Variants in CLOCK observed in about 807,000 individuals in gnomAD.
CLOCK encodes the protein clock circadian regulator.
Under a neutral mutation model 118.4 loss-of-function variants are expected in CLOCK, and 43 were observed. That is an observed-to-expected ratio of 0.36 (90% CI 0.28 to 0.47). CLOCK has a LOEUF of 0.47. Ranked by LOEUF, CLOCK falls within the 20% of genes least tolerant of loss-of-function variation. The pLI is 1.00. For synonymous variants in CLOCK, 326 were observed against 339.2 expected, an observed-to-expected ratio of 0.96 and a Z score of 0.43; for missense variants, 846 against 999.9, an observed-to-expected ratio of 0.85 and a Z score of 2.08.
At chr4:55,490,530 T>C (rs916392677) in intron 2 of CLOCK, among the ~76,000 whole-genome samples, 12 of 152,270 alleles carry the variant, frequency 7.9e-5, no homozygotes, top group Admixed American at 2.0e-4. Flanking sequence ...TTATCTGACA[T>C]GGACTGGTTC....
intron 9 of CLOCK, among the ~76,000 whole-genome samples, chr4:55,459,921 A>T (rs13133579): frequency 0.34 from 51,406 of 152,110 alleles, 9,383 homozygotes; most frequent in East Asian, 0.58. Flanking sequence ...CTCAAAGTGG[A>T]GGGATTATAG....
intron 1 of CLOCK, among the ~76,000 whole-genome samples, chr4:55,538,694 A>G (rs1731062834): frequency 1.3e-5 from 2 of 152,248 alleles, no homozygotes; most frequent in South Asian, 2.1e-4. Flanking sequence ...CTCTATAAAC[A>G]TAAAGCAACA....
intron 2 of CLOCK, among the ~76,000 whole-genome samples, chr4:55,507,222 C>A (rs116181794): frequency 6.6e-6 from 1 of 151,954 alleles, no homozygotes; most frequent in African/African-American, 2.4e-5. Context: ...GGCTAAGGTG[C>A]GACGATCGCT....
chr4:55,471,418 G>A (rs1048623564), intron 7 of CLOCK, among the ~76,000 whole-genome samples: 1 of 152,194 alleles, frequency 6.6e-6, no homozygotes, highest in Non-Finnish European at 1.5e-5. Context: ...TAAGAGTAGT[G>A]TGGAAGCAGG....
At position 55,478,861 on chromosome 4, in the gene CLOCK, T is replaced by C. The variant is rs748199744; in HGVS notation, c.210A>G (p.Lys70=). 2 of 1,612,938 alleles carry C rather than the reference T, an allele frequency of 1.2e-6. No homozygotes were observed. Among genetic ancestry groups the C allele is most frequent in the Non-Finnish European group, 1.7e-6 (2 of 1,179,344 alleles). The change falls in exon 6 of 23, where the codon AAA becomes AAG. Residue 70 remains lysine, a synonymous_variant. Transcript: ENST00000513440. Reference sequence around the variant, plus strand: ...CAATGCTTTTCTGCAGAACAGTAGATTTGTCCATCTTTCTAGCATTACCAG... The same window carrying C: ...CAATGCTTTTCTGCAGAACAGTAGACTTGTCCATCTTTCTAGCATTACCAG... ...MLPGNARKMD[K]STVLQKSIDF...
chr4:55,516,234 G>A (rs1181575683), intron 1 of CLOCK, among the ~76,000 whole-genome samples: 2 of 152,156 alleles, frequency 1.3e-5, no homozygotes, highest in African/African-American at 4.8e-5. Flanking sequence ...CAGCACTGTT[G>A]AATTCATCTA....
intron 1 of CLOCK, among the ~76,000 whole-genome samples, chr4:55,515,658 C>T (rs752985223): frequency 4.9e-4 from 74 of 152,234 alleles, no homozygotes; most frequent in Non-Finnish European, 1.0e-3. Flanking sequence ...GCTGGGATTA[C>T]AGGCGCGAGC....
At chr4:55,443,976 G>T in intron 19 of CLOCK, 80 bp from the exon 20 acceptor site, 1 of 1,286,782 alleles carries the variant, frequency 7.8e-7, no homozygotes, top group Non-Finnish European at 1.1e-6. Flanking sequence ...GCAAAATCAA[G>T]CTACAAAGTA....
At chr4:55,454,053 A>C (rs528065867) in intron 13 of CLOCK, among the ~76,000 whole-genome samples, 38 of 152,164 alleles carry the variant, frequency 2.5e-4, no homozygotes, top group Non-Finnish European at 5.0e-4. Flanking sequence ...CTGATCTTAC[A>C]ATCTTTCCAT....
intron 2 of CLOCK, among the ~76,000 whole-genome samples, chr4:55,501,893 C>T (rs1728469632): frequency 6.6e-6 from 1 of 152,126 alleles, no homozygotes; most frequent in African/African-American, 2.4e-5. Context: ...TTATTTGAAG[C>T]AAATCCCAAG....
intron 1 of CLOCK, among the ~76,000 whole-genome samples, chr4:55,515,456 C>T (rs1001833357): frequency 2.6e-5 from 4 of 152,164 alleles, no homozygotes; most frequent in Middle Eastern, 3.2e-3. Flanking sequence ...CTCACTGCAG[C>T]CTCCGCCTCC....
rs771529260 is a variant in CLOCK, at chr4:55,443,781, G to A, written c.1808C>T (p.Pro603Leu). The change falls in exon 20 of 23, where the codon CCT (proline) becomes CTT (leucine). Residue 603 changes from proline (P) to leucine (L), a missense_variant. Physicochemically the swap from Pro to Leu is moderately conservative, Grantham distance 98. Transcript: ENST00000513440. ...APINMQGQVV[P>L]TNQIQSGMNT... ...CATTCCACTTTGAATCTGGTTAGTAGGAACAACTTGGCCTTGCATATTTAT... is the reference window on the plus strand; with the variant it reads ...CATTCCACTTTGAATCTGGTTAGTAAGAACAACTTGGCCTTGCATATTTAT... 4.3e-6 allele frequency: 7 copies of A among 1,614,026 alleles called. 1 individual carries two copies. In the South Asian group the frequency reaches 4.4e-5, roughly 10 times the overall value.
intron 1 of CLOCK, among the ~76,000 whole-genome samples, chr4:55,510,629 T>TA (rs3842583): frequency 0.028 from 2,939 of 104,166 alleles, 119 homozygotes; most frequent in African/African-American, 0.089. Flanking sequence ...TCTGTCTTTT[T>TA]AAAAAAAAAA....
At chr4:55,471,797 G>A (rs898447450) in intron 7 of CLOCK, among the ~76,000 whole-genome samples, 4 of 152,176 alleles carry the variant, frequency 2.6e-5, no homozygotes, top group Non-Finnish European at 4.4e-5. Context: ...AGAAGCCTGC[G>A]TGCAGTGGCT....
At chr4:55,491,816 T>G (rs1208821384) in intron 2 of CLOCK, among the ~76,000 whole-genome samples, 1 of 152,134 alleles carries the variant, frequency 6.6e-6, no homozygotes, top group African/African-American at 2.4e-5. Context: ...ACATAGTTTT[T>G]TTAAGAATAG....
intron 2 of CLOCK, among the ~76,000 whole-genome samples, chr4:55,494,070 T>C (rs368650433): frequency 3.3e-5 from 5 of 152,212 alleles, no homozygotes; most frequent in African/African-American, 9.6e-5. Flanking sequence ...CCACAGAGTA[T>C]AGGAGCACCT....
intron 1 of CLOCK, among the ~76,000 whole-genome samples, chr4:55,544,711 G>A (rs958113128): frequency 3.9e-5 from 6 of 152,136 alleles, no homozygotes; most frequent in Non-Finnish European, 1.5e-5. Flanking sequence ...CAGTTTATGA[G>A]TCCATAATAC....
intron 2 of CLOCK, among the ~76,000 whole-genome samples, chr4:55,493,491 C>T (rs3805152): frequency 0.71 from 108,689 of 152,098 alleles, 39,358 homozygotes; most frequent in African/African-American, 0.82. Flanking sequence ...TTTATTACCA[C>T]TTATGAAAAA....
intron 1 of CLOCK, among the ~76,000 whole-genome samples, chr4:55,533,793 C>T (rs1049574844): frequency 2.6e-5 from 4 of 152,096 alleles, no homozygotes; most frequent in Non-Finnish European, 2.9e-5. Flanking sequence ...ATCCCAGCTA[C>T]TCGGGAGGCT....
Sources: gnomAD v4.1 joint callset for allele counts (sites outside exome capture counted in the v4.1 genomes callset) on GRCh38, gnomAD v4.1.1 for gene constraint, MANE v1.5 for transcripts, NCBI Gene and HGNC (gene_info 2026-07-23, HGNC 2026-07-21) for gene names.